ENTPD3: variants seen among roughly 807,000 people sequenced by gnomAD.
The protein encoded by ENTPD3 is ectonucleoside triphosphate diphosphohydrolase 3.
In ENTPD3, 60 loss-of-function variants were observed where a neutral mutation model predicts 51.2. The ratio of observed to expected loss-of-function variants is 1.17; its 90% CI spans 0.95 to 1.45. The LOEUF is 1.45. Among genes scored for constraint, ENTPD3 ranks in the 40% most tolerant of loss-of-function variants. The pLI is 0.00. For missense variants in ENTPD3, 593 were observed against 641.1 expected (o/e 0.93, Z 0.81); for synonymous variants, 221 against 238.4 (o/e 0.93, Z 0.67).
intron 5 of ENTPD3, among the ~76,000 whole-genome samples, chr3:40,413,644 C>T (rs1209430681): frequency 6.6e-6 from 1 of 152,114 alleles, no homozygotes; most frequent in Non-Finnish European, 1.5e-5. Flanking sequence ...AATTAAAAGG[C>T]TCTGCAATTT....
intron 6 of ENTPD3, 102 bp from the exon 7 acceptor site, chr3:40,415,738 C>A: frequency 1.2e-6 from 1 of 840,764 alleles, no homozygotes; most frequent in Non-Finnish European, 1.9e-6. Context: ...CTCCCTCTGT[C>A]CTACTTCTTA....
chr3:40,425,675 T>A (rs1054615364), intron 10 of ENTPD3, among the ~76,000 whole-genome samples: 2 of 151,892 alleles, frequency 1.3e-5, no homozygotes, highest in African/African-American at 4.8e-5. Context: ...GGCAGGTGAA[T>A]CATTTGAGGT....
chr3:40,415,619 C>T (rs1398256240), intron 6 of ENTPD3, among the ~76,000 whole-genome samples: 3 of 152,144 alleles, frequency 2.0e-5, no homozygotes, highest in Non-Finnish European at 4.4e-5. Flanking sequence ...CCCTATTATA[C>T]ACCTAATCTA....
chr3:40,421,853 C>A (rs1228835619), intron 7 of ENTPD3, among the ~76,000 whole-genome samples: 2 of 152,028 alleles, frequency 1.3e-5, no homozygotes, highest in Non-Finnish European at 2.9e-5. Flanking sequence ...CATGCCAGAT[C>A]TTTGGAAGGA....
intron 7 of ENTPD3, among the ~76,000 whole-genome samples, chr3:40,418,141 C>T (rs190736540): frequency 4.3e-4 from 66 of 152,242 alleles, no homozygotes; most frequent in African/African-American, 1.4e-3. Context: ...AAGTGAGCAC[C>T]CAGCCTCTCA....
intron 1 of ENTPD3, 196 bp from the exon 2 acceptor site, chr3:40,387,850 T>G: frequency 3.6e-6 from 2 of 554,736 alleles, no homozygotes; most frequent in Non-Finnish European, 6.5e-6. Flanking sequence ...TTTCCTTTCA[T>G]TTGGGGAGAT....
intron 7 of ENTPD3, among the ~76,000 whole-genome samples, chr3:40,416,831 T>G (rs1412783625): frequency 1.3e-5 from 2 of 152,072 alleles, no homozygotes; most frequent in Non-Finnish European, 2.9e-5. Context: ...AAGCCACAGA[T>G]CCTGGCTTCT....
intron 4 of ENTPD3, among the ~76,000 whole-genome samples, chr3:40,404,367 T>C (rs1955443771): frequency 6.6e-6 from 1 of 152,196 alleles, no homozygotes; most frequent in Non-Finnish European, 1.5e-5. Flanking sequence ...GGCACCACAA[T>C]CAGAGCTCCT....
chr3:40,421,403 A>G (rs1955869222), intron 7 of ENTPD3, among the ~76,000 whole-genome samples: 1 of 152,166 alleles, frequency 6.6e-6, no homozygotes, highest in African/African-American at 2.4e-5. Flanking sequence ...AATTCCTTAG[A>G]AAAGAGAGTT....
At chr3:40,421,110 G>A (rs1027607921) in intron 7 of ENTPD3, among the ~76,000 whole-genome samples, 6 of 149,326 alleles carry the variant, frequency 4.0e-5, no homozygotes, top group South Asian at 2.1e-4. Flanking sequence ...TGCAACCTCC[G>A]CCTCCCGGGT....
At chr3:40,404,169 CATCCCT>C (rs1352025196) in intron 4 of ENTPD3, among the ~76,000 whole-genome samples, 1 of 152,092 alleles carries the variant, frequency 6.6e-6, no homozygotes, top group Non-Finnish European at 1.5e-5. Context: ...GACTTCACCT[CATCCCT>C]ACTGTGTGAA....
chr3:40,421,940 T>C (rs958228147), intron 7 of ENTPD3, among the ~76,000 whole-genome samples: 1 of 152,218 alleles, frequency 6.6e-6, no homozygotes, highest in African/African-American at 2.4e-5. Flanking sequence ...GAGACTTCAC[T>C]TTCATATGTT....
In ENTPD3 at chr3:40,411,911, A is replaced by T. The variant is rs1293445938; in HGVS notation, c.386A>T (p.His129Leu). ...KVKGQVPSHL[H>L]GSTPIHLGAT... ...AAGGGGCAGGTTCCATCCCACCTCC[A>T]CGGATCCACCCCCATTCACCTGGGA... Residue 129 changes from histidine (H) to leucine (L), a missense_variant, in exon 5 of 11, where the codon CAC becomes CTC. Coordinates refer to ENST00000301825, the MANE Select transcript of ENTPD3 (RefSeq NM_001248.4). 1 of 1,612,576 alleles carries T rather than the reference A, an allele frequency of 6.2e-7. No individual in the cohort carries two copies. The highest frequency in any genetic ancestry group is 1.7e-5 in the Admixed American group (1 of 59,728).
At chr3:40,414,944 A>G in intron 6 of ENTPD3, 104 bp downstream of exon 6, 1 of 1,155,004 alleles carries the variant, frequency 8.7e-7, no homozygotes, top group Admixed American at 1.8e-5. Flanking sequence ...TCTGCCCTGT[A>G]TCACTCCTAC....
chr3:40,427,788 T>A lies in ENTPD3; in HGVS notation c.*280T>A. The A allele has an allele frequency of 2.3e-6, 1 of 439,620 alleles. No homozygotes were observed. The highest frequency in any genetic ancestry group is 4.1e-6 in the Non-Finnish European group (1 of 241,538). 27.2% of individuals were successfully genotyped at this position (439,620 alleles called of 1,614,324 possible). A position where few individuals can be genotyped will look rare whatever the true frequency, so the allele number is the denominator to read the frequency against. On this transcript the variant is annotated 3_prime_UTR_variant, in exon 11 of 11. Coordinates refer to ENST00000301825, the MANE Select transcript of ENTPD3 (RefSeq NM_001248.4). ...GAAGGTCAGGCTCTTTATATTAAGT[T>A]CCCCAGAGGAAGAGTAAGTTGAGAA...
chr3:40,427,435 C>G lies in ENTPD3; in HGVS notation c.1517C>G (p.Ala506Gly), dbSNP rs1435091678. ...GCCTTGCTGTGTCTGGCATTTCTTG[C>G]ATACCTGTGTTCAGCAACCAGAAGA... ...AAALLCLAFLAYLCSATRRKR... is the reference protein window; with the variant it reads ...AAALLCLAFLGYLCSATRRKR... Residue 506 changes from alanine to glycine, a missense_variant, in exon 11 of 11, where the codon GCA becomes GGA. Ala to Gly is a moderately conservative substitution (Grantham distance 60). Coordinates refer to ENST00000301825, the MANE Select transcript of ENTPD3 (RefSeq NM_001248.4). 2 of 1,613,466 alleles carry G rather than the reference C, an allele frequency of 1.2e-6. No individual in the cohort carries two copies. Among genetic ancestry groups the G allele is most frequent in the Non-Finnish European group, 1.7e-6 (2 of 1,180,030 alleles).
intron 5 of ENTPD3, among the ~76,000 whole-genome samples, chr3:40,413,358 A>G (rs1297538384): frequency 6.6e-6 from 1 of 152,234 alleles, no homozygotes. Flanking sequence ...GAGCAATACC[A>G]ACAATATGAA....
In ENTPD3 at chr3:40,392,076, G is replaced by GT. The variant is rs1293054223; in HGVS notation, c.95dup (p.Ser33GlufsTer50). The stretch of plus-strand genomic sequence containing the variant: ...CATCATTGCCTTGGTGGTCTTGCTT[G>GT]TGAGTATTGTGGTACTTGTGAGTAT... On this transcript the variant is annotated frameshift_variant, in exon 3 of 11. Transcript: ENST00000301825. LOFTEE classifies it high-confidence loss of function. 3.7e-6 allele frequency: 6 copies of GT among 1,614,176 alleles called. No individual in the cohort carries two copies. Among genetic ancestry groups the GT allele is most frequent in the Non-Finnish European group, 5.1e-6 (6 of 1,180,012 alleles).
chr3:40,424,824 C>T, intron 10 of ENTPD3: 2 of 700,940 alleles, frequency 2.9e-6, no homozygotes, highest in Non-Finnish European at 2.6e-6. Flanking sequence ...ATACCAGCTT[C>T]AGCAATAATT....
Sources: allele counts gnomAD v4.1 joint callset (sites outside exome capture counted in the v4.1 genomes callset), GRCh38; gene constraint gnomAD v4.1.1; transcripts MANE v1.5; gene names NCBI Gene and HGNC (gene_info 2026-07-23, HGNC 2026-07-21).